Variants in TRIP12 observed in about 807,000 individuals in gnomAD.
TRIP12 encodes the protein E3 ubiquitin-protein ligase TRIP12.
Under a neutral mutation model 244.2 loss-of-function variants are expected in TRIP12, and 25 were observed. The observed-to-expected ratio is 0.10, with a 90% CI of 0.07 to 0.14. The LOEUF (loss-of-function observed/expected upper bound fraction) is 0.14, where lower values mean the gene tolerates loss of function less well. Ranked by LOEUF, TRIP12 falls within the 10% of genes least tolerant of loss-of-function variation. TRIP12 has a pLI of 1.00. For missense variants in TRIP12, 1,677 were observed against 2,486.4 expected, an observed-to-expected ratio of 0.67 and a Z score of 6.92; for synonymous variants, 905 against 873.1, an observed-to-expected ratio of 1.04 and a Z score of -0.64.
At chr2:229,796,551 T>C in intron 25 of TRIP12, 40 bp downstream of exon 25, 1 of 1,508,432 alleles carries the variant, frequency 6.6e-7, no homozygotes, top group Non-Finnish European at 8.9e-7. Context: ...TAGTGAGCAC[T>C]GATTCTTAAA....
chr2:229,851,075 C>T (rs191820095), intron 4 of TRIP12, among the ~76,000 whole-genome samples: 107 of 152,348 alleles, frequency 7.0e-4, no homozygotes, highest in African/African-American at 2.4e-3. Context: ...CCAGTACCAT[C>T]GATCACCCAA....
chr2:229,886,552 C>T (rs968515943), intron 1 of TRIP12, among the ~76,000 whole-genome samples: 4 of 151,876 alleles, frequency 2.6e-5, no homozygotes, highest in Non-Finnish European at 5.9e-5. Context: ...ACCTCCACCT[C>T]CCAGGTTCAA....
chr2:229,791,100 T>C, intron 30 of TRIP12, 24 bp downstream of exon 30: 1 of 1,612,944 alleles, frequency 6.2e-7, no homozygotes, highest in South Asian at 1.1e-5. Context: ...GGCAATCCAT[T>C]TTCCCCTTTA....
At chr2:229,884,236 C>CTTTTT (rs200052292) in intron 1 of TRIP12, among the ~76,000 whole-genome samples, 29 of 123,570 alleles carry the variant, frequency 2.3e-4, no homozygotes, top group Non-Finnish European at 3.3e-4. Context: ...TTTTTCTTTT[C>CTTTTT]TTTTTTTTTT....
At chr2:229,894,744 A>C (rs1186739898) in intron 1 of TRIP12, among the ~76,000 whole-genome samples, 3 of 152,240 alleles carry the variant, frequency 2.0e-5, no homozygotes, top group African/African-American at 7.2e-5. Context: ...CCTACTGATC[A>C]CTTAACGCAG....
intron 1 of TRIP12, among the ~76,000 whole-genome samples, chr2:229,909,243 T>A (rs929528450): frequency 4.6e-5 from 7 of 151,884 alleles, no homozygotes; most frequent in African/African-American, 1.4e-4. Flanking sequence ...TGTTCAAAAA[T>A]ACTTATTATA....
chr2:229,886,417 A>C (rs1158874504), intron 1 of TRIP12, among the ~76,000 whole-genome samples: 1 of 152,164 alleles, frequency 6.6e-6, no homozygotes, highest in East Asian at 1.9e-4. Flanking sequence ...ATGGGCATCA[A>C]AACCATTTGA....
Position 229,798,852 on chromosome 2 carries a change from A to C in TRIP12, c.3482+23T>G, listed in dbSNP as rs375720968. 5.6e-6 allele frequency: 9 copies of C among 1,610,080 alleles called. No individual in the cohort carries two copies. The South Asian group carries it at 8.9e-5, about 16-fold the overall frequency. The stretch of plus-strand genomic sequence containing the variant: ...TTTTTCTGATATGGGAATAGAAGAA[A>C]CATAAAACTCCCCCCACTTCACCTA... On this transcript the variant is annotated intron_variant, in intron 23 of 41. Transcript: ENST00000675903.
At chr2:229,864,000 GT>G (rs2060907852) in intron 2 of TRIP12, among the ~76,000 whole-genome samples, 1 of 61,188 alleles carries the variant, frequency 1.6e-5, no homozygotes, top group Non-Finnish European at 3.2e-5. Flanking sequence ...AAAGATTTGG[GT>G]GAAAGAGAGA....
intron 2 of TRIP12, among the ~76,000 whole-genome samples, chr2:229,874,060 C>A (rs569026715): frequency 1.1e-4 from 16 of 150,158 alleles, no homozygotes; most frequent in African/African-American, 3.2e-4. Context: ...AAAAAAAAAA[C>A]AGAAAAAAAA....
chr2:229,862,111 C>T (rs1414305068), intron 2 of TRIP12, among the ~76,000 whole-genome samples: 2 of 152,100 alleles, frequency 1.3e-5, no homozygotes, highest in Non-Finnish European at 2.9e-5. Context: ...GGCTGGAGTG[C>T]AGCGACACTA....
intron 2 of TRIP12, among the ~76,000 whole-genome samples, chr2:229,867,171 G>GTTTTTTTTT (rs11335613): frequency 6.9e-4 from 85 of 123,528 alleles, no homozygotes; most frequent in Non-Finnish European, 1.1e-3. Context: ...TTGTTTGTTT[G>GTTTTTTTTT]TTTTTTTTTT....
At chr2:229,835,862 A>C (rs993845948) in intron 6 of TRIP12, among the ~76,000 whole-genome samples, 1 of 152,218 alleles carries the variant, frequency 6.6e-6, no homozygotes, top group Non-Finnish European at 1.5e-5. Flanking sequence ...AATGAGTTGC[A>C]ATTAAATGGA....
chr2:229,850,370 A>C (rs1267979390), intron 4 of TRIP12, among the ~76,000 whole-genome samples: 1 of 152,230 alleles, frequency 6.6e-6, no homozygotes, highest in Non-Finnish European at 1.5e-5. Flanking sequence ...TGGAACTTCT[A>C]AACTTTTAAG....
intron 41 of TRIP12, 74 bp downstream of exon 41, chr2:229,768,542 G>C: frequency 7.5e-7 from 1 of 1,337,346 alleles, no homozygotes; most frequent in Non-Finnish European, 1.0e-6. Context: ...ATCTCCTGCT[G>C]ATGGTACTGA....
chr2:229,851,662 T>C lies in TRIP12; in HGVS notation c.1027+7110A>G, dbSNP rs558847246. Among the ~76,000 whole-genome samples, 61 of 152,180 alleles carry C rather than the reference T, an allele frequency of 4.0e-4. 1 individual carries two copies. Among genetic ancestry groups the C allele is most frequent in the African/African-American group, 5.3e-4 (22 of 41,516 alleles). On this transcript the variant is annotated intron_variant, in intron 4 of 41. Coordinates refer to ENST00000675903, the MANE Select transcript of TRIP12 (RefSeq NM_001348323.3). ...TGAGCTATAACACTCACCGCGAAGA[T>C]CTGCAGCTTCACTCCTGAAGCCAGC... is the stretch of plus-strand genomic sequence containing the variant.
intron 33 of TRIP12, among the ~76,000 whole-genome samples, chr2:229,786,557 C>T (rs1006768464): frequency 1.1e-4 from 16 of 144,692 alleles, no homozygotes; most frequent in Admixed American, 1.0e-3. Flanking sequence ...GCCACCACGC[C>T]CAGATAATTT....
At chr2:229,876,074 G>C (rs1185557580) in intron 2 of TRIP12, among the ~76,000 whole-genome samples, 4 of 152,152 alleles carry the variant, frequency 2.6e-5, no homozygotes, top group South Asian at 2.1e-4. Flanking sequence ...AGGAGTTCAA[G>C]ACCAGCCTGG....
chr2:229,902,317 T>C (rs2071160680), intron 1 of TRIP12, among the ~76,000 whole-genome samples: 1 of 151,898 alleles, frequency 6.6e-6, no homozygotes, highest in South Asian at 2.1e-4. Context: ...GAGGCGGAGG[T>C]AGCAGTGAGC....
Sources: gnomAD v4.1 joint callset for allele counts (sites outside exome capture counted in the v4.1 genomes callset) on GRCh38, gnomAD v4.1.1 for gene constraint, MANE v1.5 for transcripts, NCBI Gene and HGNC (gene_info 2026-07-23, HGNC 2026-07-21) for gene names.